CFAP96: variants seen among roughly 807,000 people sequenced by gnomAD.
CFAP96 encodes the protein cilia-and flagella-associated protein 96.
the CFAP96 span, among the ~76,000 whole-genome samples, chr4:185,438,231 GA>G: frequency 6.6e-6 from 1 of 151,732 alleles, no homozygotes; most frequent in South Asian, 2.1e-4. Flanking sequence ...TAGGTCTCTT[GA>G]AATTGTCCTA....
the CFAP96 span, chr4:185,413,895 GA>G: frequency 8.7e-5 from 136 of 1,556,718 alleles, no homozygotes; most frequent in Middle Eastern, 1.7e-4. Context: ...AGAATCAACA[GA>G]AAAAGAAAAA....
At chr4:185,408,936 T>C in the CFAP96 span, among the ~76,000 whole-genome samples, 3 of 152,186 alleles carry the variant, frequency 2.0e-5, no homozygotes, top group Admixed American at 1.3e-4. Context: ...TGTTTTTATT[T>C]TTCAAAGTAT....
At chr4:185,431,213 A>G in the CFAP96 span, among the ~76,000 whole-genome samples, 38 of 150,752 alleles carry the variant, frequency 2.5e-4, no homozygotes, top group Admixed American at 4.0e-4. Context: ...CCGTCTCAAA[A>G]AAAAAAAAAA....
the CFAP96 span, among the ~76,000 whole-genome samples, chr4:185,428,969 A>G: frequency 6.6e-6 from 1 of 152,238 alleles, no homozygotes; most frequent in Admixed American, 6.5e-5. Flanking sequence ...TGTCTGCCTT[A>G]TATAATTATG....
At chr4:185,420,522 G>A in the CFAP96 span, among the ~76,000 whole-genome samples, 1 of 151,990 alleles carries the variant, frequency 6.6e-6, no homozygotes, top group Non-Finnish European at 1.5e-5. Flanking sequence ...AATAAACAAC[G>A]ACCATACTGG....
the CFAP96 span, among the ~76,000 whole-genome samples, chr4:185,433,087 A>T: frequency 6.6e-6 from 1 of 152,146 alleles, no homozygotes; most frequent in African/African-American, 2.4e-5. Flanking sequence ...TATTATGAAG[A>T]TATACTCATG....
chr4:185,413,964 T>A, the CFAP96 span: 1 of 1,173,826 alleles, frequency 8.5e-7, no homozygotes, highest in Non-Finnish European at 1.1e-6. Flanking sequence ...CATGGAAAAT[T>A]ATATATAGGT....
At chr4:185,436,760 ATTTTG>A in the CFAP96 span, among the ~76,000 whole-genome samples, 1 of 135,178 alleles carries the variant, frequency 7.4e-6, no homozygotes, top group African/African-American at 2.7e-5. Context: ...TTGAGATCTA[ATTTTG>A]TTTTGTTCTA....
At chr4:185,435,714 A>AT in the CFAP96 span, among the ~76,000 whole-genome samples, 1 of 152,216 alleles carries the variant, frequency 6.6e-6, no homozygotes, top group Non-Finnish European at 1.5e-5. Context: ...GTAATTAGCC[A>AT]TTTATTAGCT....
chr4:185,440,254 G>A, the CFAP96 span, among the ~76,000 whole-genome samples: 1 of 152,068 alleles, frequency 6.6e-6, no homozygotes. Flanking sequence ...TTGTTATGCT[G>A]CATCATACTG....
chr4:185,433,852 A>G, the CFAP96 span, among the ~76,000 whole-genome samples: 232 of 152,118 alleles, frequency 1.5e-3, no homozygotes, highest in African/African-American at 5.3e-3. Flanking sequence ...CAGTGAGCCA[A>G]GATTGTGCCA....
the CFAP96 span, chr4:185,444,864 A>T: frequency 2.6e-5 from 30 of 1,140,080 alleles, no homozygotes; most frequent in African/African-American, 3.7e-4. Context: ...CTTTAAAACC[A>T]ACTCCACAGA....
chr4:185,415,898 T>C, the CFAP96 span: 1 of 1,553,186 alleles, frequency 6.4e-7, no homozygotes, highest in Non-Finnish European at 8.8e-7. Flanking sequence ...AGTCAACTTG[T>C]AGTGCATTAA....
chr4:185,444,154 CTTGTTAGCCAGGATGGTCT>C, the CFAP96 span, among the ~76,000 whole-genome samples: 1 of 150,500 alleles, frequency 6.6e-6, no homozygotes, highest in African/African-American at 2.4e-5. Flanking sequence ...GGGGTTTCAC[CTTGTTAGCCAGGATGGTCT>C]CGATCTCCTG....
chr4:185,433,920 A>AC, the CFAP96 span, among the ~76,000 whole-genome samples: 1 of 149,762 alleles, frequency 6.7e-6, no homozygotes, highest in Non-Finnish European at 1.5e-5. Context: ...ACAAAACAAA[A>AC]AAAGACTGAG....
At chr4:185,430,375 CTA>C in the CFAP96 span, among the ~76,000 whole-genome samples, 2 of 152,028 alleles carry the variant, frequency 1.3e-5, no homozygotes, top group African/African-American at 2.4e-5. Context: ...GCAGAATAGT[CTA>C]TATAGTGTGC....
chr4:185,436,223 A>G, the CFAP96 span: 1 of 1,543,462 alleles, frequency 6.5e-7, no homozygotes. Context: ...GTTTGTTTTG[A>G]AATTTAAAAA....
the CFAP96 span, among the ~76,000 whole-genome samples, chr4:185,431,209 CAAAA>C: frequency 5.6e-5 from 5 of 88,582 alleles, no homozygotes; most frequent in Non-Finnish European, 7.0e-5. Context: ...GACTCCGTCT[CAAAA>C]AAAAAAAAAA....
the CFAP96 span, among the ~76,000 whole-genome samples, chr4:185,439,432 T>C: frequency 6.6e-6 from 1 of 152,200 alleles, no homozygotes; most frequent in African/African-American, 2.4e-5. Context: ...AGCAGGTTCC[T>C]AGTAGCGAAA....
Sources: gnomAD v4.1 joint callset for allele counts (sites outside exome capture counted in the v4.1 genomes callset) on GRCh38, gnomAD v4.1.1 for gene constraint, MANE v1.5 for transcripts, NCBI Gene and HGNC (gene_info 2026-07-23, HGNC 2026-07-21) for gene names.